The following ULK2 variants were observed in gnomAD, a reference collection of about 807,000 sequenced individuals.
ULK2 encodes the protein unc-51 like autophagy activating kinase 2, also known as serine/threonine-protein kinase ULK2.
In ULK2, 76 loss-of-function variants were observed where a neutral mutation model predicts 127.5. The ratio of observed to expected loss-of-function variants is 0.60; its 90% CI spans 0.50 to 0.72. ULK2 has a LOEUF of 0.72. Among genes scored for constraint, ULK2 ranks in the 30% least tolerant of loss-of-function variants. The pLI, the probability that ULK2 is intolerant of heterozygous loss-of-function variation, is 0.00. For synonymous variants in ULK2, 452 were observed against 461.9 expected, an observed-to-expected ratio of 0.98 and a Z score of 0.28; for missense variants, 1,144 against 1,295.9, an observed-to-expected ratio of 0.88 and a Z score of 1.80.
rs141137655 is a variant in ULK2 at position 19,782,035 on chromosome 17, A to G, written c.2493T>C (p.Asn831=). ...CACACTCAGTGAACATCAGCATCACATTCAGATGGCGTAAGGTGTCTGTGT... is the reference window on the plus strand; with the variant it reads ...CACACTCAGTGAACATCAGCATCACGTTCAGATGGCGTAAGGTGTCTGTGT... ...REHTDTLRHL[N]VMLMFTECVL... The change falls in exon 23 of 27, where the codon AAT becomes AAC. Residue 831 remains asparagine (N), a synonymous_variant. Transcript: ENST00000395544. The G allele has an allele frequency of 2.9e-4, 467 of 1,614,202 alleles. No homozygotes were observed. The highest frequency in any genetic ancestry group is 3.9e-4 in the Non-Finnish European group (455 of 1,180,036).
intron 13 of ULK2, chr17:19,810,997 G>A (rs1275394322): frequency 6.6e-6 from 1 of 152,178 alleles, no homozygotes; most frequent in Non-Finnish European, 1.5e-5. Context: ...GCTCATGCCT[G>A]GAATCCCATC....
At chr17:19,793,325 G>A (rs563650002) in intron 20 of ULK2, among the ~76,000 whole-genome samples, 1 of 152,302 alleles carries the variant, frequency 6.6e-6, no homozygotes, top group South Asian at 2.1e-4. Context: ...AATTCAAGAT[G>A]AGATTTGGGT....
chr17:19,862,391 A>G lies in ULK2; in HGVS notation c.225+2412T>C, dbSNP rs956722006. Among the ~76,000 whole-genome samples the G allele has an allele frequency of 3.9e-5, 6 of 151,986 alleles. No homozygotes were observed. In the East Asian group the frequency reaches 1.2e-3, roughly 29 times the overall value. ...ATTACAGGCATGAGCCATCGCAACC[A>G]GGCAAAAAAAGTTAAACATCTTATA... is the stretch of plus-strand genomic sequence containing the variant. On this transcript the variant is annotated intron_variant, in intron 3 of 26. Coordinates refer to ENST00000395544, the MANE Select transcript of ULK2 (RefSeq NM_014683.4).
chr17:19,804,290 C>T (rs2087465073), intron 15 of ULK2, among the ~76,000 whole-genome samples: 1 of 151,748 alleles, frequency 6.6e-6, no homozygotes. Flanking sequence ...GGACTTGTAC[C>T]TTTGTTATTC....
rs999664505 is a variant in ULK2, at chr17:19,867,485, G to C, written c.-68C>G. ...GTGCGGCGCAGGTATCAGCACCGCG[G>C]CTCCGCGGGCCCGGAGCGCGCCAGC... is the stretch of plus-strand genomic sequence containing the variant. On this transcript the variant is annotated 5_prime_UTR_variant, in exon 1 of 27. Coordinates refer to ENST00000395544, the MANE Select transcript of ULK2 (RefSeq NM_014683.4). 4 of 1,301,582 alleles carry C rather than the reference G, an allele frequency of 3.1e-6. No individual in the cohort carries two copies. Among genetic ancestry groups the C allele is most frequent in the East Asian group, 3.1e-5 (1 of 31,840 alleles). 80.6% of individuals were successfully genotyped at this position (1,301,582 alleles called of 1,614,324 possible).
At chr17:19,830,654 AG>A (rs2041416375) in intron 10 of ULK2, among the ~76,000 whole-genome samples, 1 of 151,558 alleles carries the variant, frequency 6.6e-6, no homozygotes, top group African/African-American at 2.4e-5. Flanking sequence ...AATCAGTAAC[AG>A]AGGAAATAAC....
chr17:19,864,400 G>A (rs942995984), intron 3 of ULK2, among the ~76,000 whole-genome samples: 22 of 151,984 alleles, frequency 1.4e-4, no homozygotes, highest in Admixed American at 3.9e-4. Flanking sequence ...GCTTAAACCC[G>A]GGAGGTAGCA....
Position 19,771,127 on chromosome 17 carries a change from G to A in ULK2, c.*5222C>T, listed in dbSNP as rs1055285665. ...GAGTGAGCATTTGGGCTTCCTAAGG[G>A]TGAGACAGTGTGGGGCTCCTGTGGG... On this transcript the variant is annotated 3_prime_UTR_variant, in exon 27 of 27. Transcript: ENST00000395544. 2 of 152,212 alleles carry A rather than the reference G, an allele frequency of 1.3e-5. No homozygotes were observed. The highest frequency in any genetic ancestry group is 2.9e-5 in the Non-Finnish European group (2 of 68,060). The allele number at this position is 152,212 out of a possible 1,614,324, so 9.4% of individuals were successfully genotyped here.
intron 13 of ULK2, among the ~76,000 whole-genome samples, 166 bp from the exon 14 acceptor site, chr17:19,810,604 C>T (rs1010584883): frequency 6.6e-6 from 1 of 152,188 alleles, no homozygotes; most frequent in African/African-American, 2.4e-5. Context: ...GAAAACTACA[C>T]CTAGCTGAAG....
chr17:19,839,484 G>A (rs1289004476), intron 9 of ULK2, among the ~76,000 whole-genome samples: 2 of 151,766 alleles, frequency 1.3e-5, no homozygotes, highest in African/African-American at 4.8e-5. Context: ...GAACAACATG[G>A]TGAAATCCCG....
At chr17:19,830,712 ACT>A (rs1373984244) in intron 10 of ULK2, among the ~76,000 whole-genome samples, 35 of 151,804 alleles carry the variant, frequency 2.3e-4, no homozygotes, top group African/African-American at 7.5e-4. Context: ...CTCTTGTGTT[ACT>A]CTGTTTTCGC....
At chr17:19,792,748 A>C (rs1251766641) in intron 20 of ULK2, among the ~76,000 whole-genome samples, 2 of 152,130 alleles carry the variant, frequency 1.3e-5, no homozygotes, top group Non-Finnish European at 2.9e-5. Context: ...ACAAACAAAA[A>C]AAAACCCAGC....
rs1314770826 is a variant in ULK2, at chr17:19,773,182, A to G, written c.*3167T>C. 4.6e-5 allele frequency: 7 copies of G among 151,906 alleles called. No homozygotes were observed. The allele number at this position is 151,906 out of a possible 1,614,324, so 9.4% of individuals were successfully genotyped here. The stretch of plus-strand genomic sequence containing the variant: ...ATCCTAGCTACCTGGGAGGCTGAGG[A>G]AGAAGAATCACTTGAACCTGGGAGG... On this transcript the variant is annotated 3_prime_UTR_variant, in exon 27 of 27. Coordinates refer to ENST00000395544, the MANE Select transcript of ULK2 (RefSeq NM_014683.4).
chr17:19,838,710 G>A (rs925243442), intron 9 of ULK2, 127 bp from the exon 10 acceptor site: 7 of 749,834 alleles, frequency 9.3e-6, no homozygotes, highest in South Asian at 5.5e-5. Flanking sequence ...TTTATACCAC[G>A]AAGACCATGT....
chr17:19,839,964 TACACACACACAC>T (rs60058833), intron 9 of ULK2, among the ~76,000 whole-genome samples: 6 of 147,594 alleles, frequency 4.1e-5, no homozygotes, highest in Non-Finnish European at 7.5e-5. Flanking sequence ...TACACACACA[TACACACACACAC>T]ACACACACAC....
intron 10 of ULK2, among the ~76,000 whole-genome samples, chr17:19,829,856 A>AG (rs1555561205): frequency 1.3e-5 from 2 of 150,552 alleles, no homozygotes; most frequent in Non-Finnish European, 3.0e-5. Flanking sequence ...AAAAAAAAAA[A>AG]GGTATTAAAT....
intron 14 of ULK2, 136 bp downstream of exon 14, chr17:19,810,229 CAAAAAAAAAAAAA>C (rs199922634): frequency 0.64 from 223,441 of 350,816 alleles, 53,769 homozygotes; most frequent in Admixed American, 0.75. Context: ...GACTCCATCT[CAAAAAAAAAAAAA>C]AAAAAAAAAA....
rs1157706276 is a variant in ULK2, at chr17:19,856,977, CAAAAAAAAAA to C, written c.226-7213_226-7204del. Among the ~76,000 whole-genome samples, 50 of 21,324 alleles carry C rather than the reference CAAAAAAAAAA, an allele frequency of 2.3e-3. No individual in the cohort carries two copies. In the East Asian group the frequency reaches 0.053, roughly 23 times the overall value. The allele number at this position is 21,324 out of a possible 152,430, so 14.0% of individuals were successfully genotyped here. A position where few individuals can be genotyped will look rare whatever the true frequency, so the allele number is the denominator to read the frequency against. ...TGGTGACAAAGCGAGACTCCATCTC[CAAAAAAAAAA>C]AAAAAAAAAAAAAAAAAGAGTTTTA... On this transcript the variant is annotated intron_variant, in intron 3 of 26. Coordinates refer to ENST00000395544, the MANE Select transcript of ULK2 (RefSeq NM_014683.4).
At chr17:19,843,257 G>T in intron 7 of ULK2, 35 bp from the exon 8 acceptor site, 1 of 1,377,170 alleles carries the variant, frequency 7.3e-7, no homozygotes, top group Non-Finnish European at 9.9e-7. Context: ...CATGCCGTAC[G>T]TTATTTACAT....
Sources: allele counts gnomAD v4.1 joint callset (sites outside exome capture counted in the v4.1 genomes callset), GRCh38; gene constraint gnomAD v4.1.1; transcripts MANE v1.5; gene names NCBI Gene and HGNC (gene_info 2026-07-23, HGNC 2026-07-21).